Variants in MALRD1 observed in about 807,000 individuals in gnomAD.
MALRD1 encodes MAM and LDL receptor class A domain containing 1.
A neutral mutation model predicts 242.1 loss-of-function variants in MALRD1; 247 were observed. The ratio of observed to expected loss-of-function variants is 1.02; its 90% CI spans 0.92 to 1.13. MALRD1 has a LOEUF of 1.13. MALRD1 is among the 50% of genes most tolerant of loss of function. MALRD1 has a pLI of 0.00. For missense variants in MALRD1, 2,989 were observed against 2,533.1 expected (o/e 1.18, Z -3.86); for synonymous variants, 995 against 866.6 (o/e 1.15, Z -2.60).
chr10:19,161,010 C>A (rs987754086), intron 12 of MALRD1, among the ~76,000 whole-genome samples: 1 of 151,642 alleles, frequency 6.6e-6, no homozygotes, highest in African/African-American at 2.4e-5. Context: ...TGGGTATATA[C>A]CCAAATGAGT....
chr10:19,231,382 G>A (rs932617741), intron 18 of MALRD1, among the ~76,000 whole-genome samples: 3 of 152,124 alleles, frequency 2.0e-5, no homozygotes, highest in African/African-American at 7.2e-5. Context: ...TGCTTTACAG[G>A]GAATCTGGCC....
Position 19,257,778 on chromosome 10 carries a change from G to A in MALRD1, c.3079+7G>A. 1 of 1,485,530 alleles carries A rather than the reference G, an allele frequency of 6.7e-7. No individual in the cohort carries two copies. The highest frequency in any genetic ancestry group is 9.0e-7 in the Non-Finnish European group (1 of 1,109,732). 92.0% of individuals were successfully genotyped at this position (1,485,530 alleles called of 1,614,324 possible). A position where few individuals can be genotyped will look rare whatever the true frequency, so the allele number is the denominator to read the frequency against. On this transcript the variant is annotated splice_region_variant and intron_variant, in intron 19 of 39. Coordinates refer to ENST00000454679, the MANE Select transcript of MALRD1 (RefSeq NM_001142308.3). ...GACTGCACCCTCTACCCTGGTAAGA[G>A]AGAACATTTCAATTTGGGGTTATTT...
chr10:19,715,027 T>C (rs1564563853), intron 38 of MALRD1, among the ~76,000 whole-genome samples: 2 of 152,194 alleles, frequency 1.3e-5, no homozygotes, highest in Non-Finnish European at 2.9e-5. Context: ...CTTTTGAACT[T>C]TTATCACTGT....
At chr10:19,658,691 A>G (rs542284762) in intron 36 of MALRD1, among the ~76,000 whole-genome samples, 1 of 152,272 alleles carries the variant, frequency 6.6e-6, no homozygotes, top group East Asian at 1.9e-4. Flanking sequence ...CTTGAACAAG[A>G]AGAACAATTA....
chr10:19,113,748 T>A (rs2131359214), intron 5 of MALRD1, among the ~76,000 whole-genome samples: 1 of 151,068 alleles, frequency 6.6e-6, no homozygotes, highest in African/African-American at 2.4e-5. Context: ...GTGCAGGGAA[T>A]TTTCCCTTGT....
At chr10:19,113,805 A>G (rs1478276679) in intron 5 of MALRD1, among the ~76,000 whole-genome samples, 4 of 140,772 alleles carry the variant, frequency 2.8e-5, no homozygotes, top group Non-Finnish European at 6.1e-5. Context: ...ACACACACAC[A>G]CACACACACA....
chr10:19,101,429 A>G (rs1836248772), intron 4 of MALRD1, among the ~76,000 whole-genome samples: 1 of 139,504 alleles, frequency 7.2e-6, no homozygotes, highest in South Asian at 2.1e-4. Context: ...ATAATAATAT[A>G]TAATATAATA....
At chr10:19,668,308 C>G (rs374483152) in intron 36 of MALRD1, among the ~76,000 whole-genome samples, 1 of 152,136 alleles carries the variant, frequency 6.6e-6, no homozygotes, top group Non-Finnish European at 1.5e-5. Context: ...GGAAGTATTT[C>G]TCAATGGGGA....
At chr10:19,613,160 G>T (rs536026132) in intron 35 of MALRD1, among the ~76,000 whole-genome samples, 171 of 152,042 alleles carry the variant, frequency 1.1e-3, no homozygotes, top group African/African-American at 3.5e-3. Flanking sequence ...CAGAAGCAAT[G>T]ATGTCAAAAT....
chr10:19,114,542 C>A (rs769641775), intron 5 of MALRD1, among the ~76,000 whole-genome samples: 1 of 152,038 alleles, frequency 6.6e-6, no homozygotes, highest in Non-Finnish European at 1.5e-5. Context: ...GAGGGTTGAA[C>A]CTGGGAGGTG....
intron 17 of MALRD1, among the ~76,000 whole-genome samples, chr10:19,208,187 T>C (rs1467311259): frequency 6.6e-6 from 1 of 152,144 alleles, no homozygotes; most frequent in Non-Finnish European, 1.5e-5. Flanking sequence ...TAAGTCTGAA[T>C]TGGTCTAGGG....
intron 10 of MALRD1, among the ~76,000 whole-genome samples, chr10:19,145,962 C>A (rs1214599554): frequency 6.6e-6 from 1 of 151,984 alleles, no homozygotes; most frequent in Admixed American, 6.6e-5. Context: ...AGATGGCCAA[C>A]CAGAATGAAA....
At chr10:19,482,603 A>T (rs1304145359) in intron 29 of MALRD1, among the ~76,000 whole-genome samples, 1 of 150,596 alleles carries the variant, frequency 6.6e-6, no homozygotes, top group East Asian at 2.0e-4. Flanking sequence ...TACACTAATA[A>T]GGTTCAAGCT....
At chr10:19,527,881 T>G (rs757708775) in intron 31 of MALRD1, among the ~76,000 whole-genome samples, 23 of 152,192 alleles carry the variant, frequency 1.5e-4, no homozygotes, top group Non-Finnish European at 2.6e-4. Context: ...CTCAAGTGTG[T>G]AAAAGGCAAC....
upstream of MALRD1, among the ~76,000 whole-genome samples, chr10:19,048,210 C>T (rs1025495397): frequency 2.6e-5 from 4 of 152,162 alleles, no homozygotes; most frequent in Admixed American, 2.0e-4. Context: ...CTTATACCAA[C>T]TTATTGTATT....
intron 18 of MALRD1, among the ~76,000 whole-genome samples, chr10:19,210,736 G>T (rs1383589905): frequency 6.6e-6 from 1 of 152,144 alleles, no homozygotes; most frequent in Non-Finnish European, 1.5e-5. Flanking sequence ...GTACAGTGAA[G>T]AACACATTGG....
chr10:19,647,828 C>T (rs1840717658), intron 36 of MALRD1, among the ~76,000 whole-genome samples: 1 of 152,092 alleles, frequency 6.6e-6, no homozygotes, highest in Non-Finnish European at 1.5e-5. Context: ...TTTCAACAAC[C>T]ATAAAACTAG....
chr10:19,066,158 A>G (rs1834973908), intron 1 of MALRD1, among the ~76,000 whole-genome samples: 1 of 152,234 alleles, frequency 6.6e-6, no homozygotes, highest in Non-Finnish European at 1.5e-5. Context: ...CAATGTAAAT[A>G]TTAATACTGT....
At chr10:19,534,114 C>A (rs1564420761) in intron 32 of MALRD1, among the ~76,000 whole-genome samples, 1 of 152,138 alleles carries the variant, frequency 6.6e-6, no homozygotes, top group East Asian at 1.9e-4. Context: ...TCTGTTTAAA[C>A]CCTCAATCCC....
Sources: allele counts gnomAD v4.1 joint callset (sites outside exome capture counted in the v4.1 genomes callset), GRCh38; gene constraint gnomAD v4.1.1; transcripts MANE v1.5; gene names NCBI Gene and HGNC (gene_info 2026-07-23, HGNC 2026-07-21).